Variants in TBX5 observed in about 807,000 individuals in gnomAD.
TBX5 encodes T-box transcription factor TBX5.
A neutral mutation model predicts 51.1 loss-of-function variants in TBX5; 8 were observed. The observed-to-expected ratio is 0.16, with a 90% confidence interval of 0.09 to 0.28. The LOEUF is 0.28. TBX5 is among the 10% of genes least tolerant of loss of function. TBX5 has a pLI of 1.00. For missense variants in TBX5, 589 were observed against 671.7 expected (o/e 0.88, Z 1.36); for synonymous variants, 302 against 266.4 (o/e 1.13, Z -1.30).
intron 6 of TBX5, 121 bp downstream of exon 6, chr12:114,394,620 G>A: frequency 7.4e-7 from 1 of 1,343,200 alleles, no homozygotes; most frequent in Non-Finnish European, 1.1e-6. Flanking sequence ...CAGCACCCTG[G>A]GGTCGAAGTT....
intron 6 of TBX5, 21 bp from the exon 7 acceptor site, chr12:114,385,588 G>C: frequency 1.2e-6 from 2 of 1,601,986 alleles, no homozygotes; most frequent in Middle Eastern, 1.7e-4. Context: ...GAGGAAGAGA[G>C]AACAAGCTGG....
chr12:114,358,777 T>TTTTTTTTTGTTTG (rs113855505), intron 8 of TBX5, among the ~76,000 whole-genome samples: 2 of 150,698 alleles, frequency 1.3e-5, no homozygotes, highest in East Asian at 2.0e-4. Flanking sequence ...GCGGGGTTTT[T>TTTTTTTTTGTTTG]TTTGTTTGTT....
chr12:114,404,412 C>T (rs1706934985), intron 1 of TBX5, among the ~76,000 whole-genome samples: 1 of 152,046 alleles, frequency 6.6e-6, no homozygotes, highest in African/African-American at 2.4e-5. Context: ...TTTTATTAAA[C>T]CTCACAAGAG....
intron 7 of TBX5, among the ~76,000 whole-genome samples, chr12:114,382,761 C>T (rs1870576511): frequency 6.6e-6 from 1 of 152,170 alleles, no homozygotes; most frequent in East Asian, 1.9e-4. Context: ...CGTGCCACTG[C>T]ACTCCAGCCT....
chr12:114,399,099 CCTAA>C (rs1458591588), intron 4 of TBX5, among the ~76,000 whole-genome samples: 8 of 152,194 alleles, frequency 5.3e-5, no homozygotes, highest in African/African-American at 1.9e-4. Flanking sequence ...ATGGGCCTCT[CCTAA>C]CTGTTTAACT....
chr12:114,390,597 A>G (rs1871098926), intron 6 of TBX5, among the ~76,000 whole-genome samples: 2 of 152,248 alleles, frequency 1.3e-5, no homozygotes, highest in Non-Finnish European at 2.9e-5. Context: ...ATGTCTCTCT[A>G]TTAAGGGTTC....
Position 114,403,966 on chromosome 12 carries a change from G to A in TBX5, c.-38-30C>T, listed in dbSNP as rs941948190. On this transcript the variant is annotated intron_variant, in intron 1 of 8. Transcript: ENST00000405440. The stretch of plus-strand genomic sequence containing the variant: ...GGACAAGAAGCAGGGGGAGATGGGG[G>A]TGGGGAGGACAGAGAGAGAACGAGA... 5 of 1,582,708 alleles carry A rather than the reference G, an allele frequency of 3.2e-6. No individual in the cohort carries two copies. The African/African-American group carries it at 6.7e-5, about 21-fold the overall frequency.
intron 5 of TBX5, among the ~76,000 whole-genome samples, chr12:114,398,095 G>A (rs960743696): frequency 5.9e-5 from 9 of 152,198 alleles, no homozygotes; most frequent in Non-Finnish European, 5.9e-5. Flanking sequence ...CCTGGAATGA[G>A]CAGCTTCAAT....
chr12:114,357,064 G>C (rs148538364), intron 8 of TBX5, among the ~76,000 whole-genome samples: 1 of 152,006 alleles, frequency 6.6e-6, no homozygotes, highest in Non-Finnish European at 1.5e-5. Flanking sequence ...GAGTGGGAGG[G>C]AGCTTGAATG....
At chr12:114,406,185 C>G, upstream of TBX5, 1 of 220,890 alleles carries the variant, frequency 4.5e-6, no homozygotes, top group Non-Finnish European at 7.6e-6. Context: ...ACTCTGTCGC[C>G]CTCCCCCTTC....
At chr12:114,400,720 C>A (rs957576790) in intron 3 of TBX5, among the ~76,000 whole-genome samples, 1 of 152,346 alleles carries the variant, frequency 6.6e-6, no homozygotes, top group East Asian at 1.9e-4. Flanking sequence ...GGGACTCGGA[C>A]GTGTCTTTCC....
At chr12:114,369,682 T>C (rs1050140574) in intron 7 of TBX5, among the ~76,000 whole-genome samples, 2 of 152,134 alleles carry the variant, frequency 1.3e-5, no homozygotes, top group East Asian at 1.9e-4. Flanking sequence ...GATGAGAAGA[T>C]AAAACTATTT....
chr12:114,388,018 T>G (rs1211135958), intron 6 of TBX5, among the ~76,000 whole-genome samples: 2 of 152,108 alleles, frequency 1.3e-5, no homozygotes, highest in African/African-American at 2.4e-5. Flanking sequence ...TTTATTTTTA[T>G]TTTTAGTTTC....
At chr12:114,367,278 T>C (rs5015007) in intron 7 of TBX5, among the ~76,000 whole-genome samples, 6 of 151,556 alleles carry the variant, frequency 4.0e-5, no homozygotes, top group African/African-American at 1.5e-4. Context: ...AAAGAAAAAA[T>C]CAGCATGGGA....
intron 7 of TBX5, among the ~76,000 whole-genome samples, chr12:114,372,981 T>TACACACAC (rs56137685): frequency 3.5e-5 from 5 of 142,950 alleles, no homozygotes; most frequent in African/African-American, 1.0e-4. Flanking sequence ...TATATATACA[T>TACACACAC]ACACACACAC....
At chr12:114,365,478 G>GA (rs1314409667) in intron 8 of TBX5, among the ~76,000 whole-genome samples, 4 of 151,454 alleles carry the variant, frequency 2.6e-5, no homozygotes, top group East Asian at 3.9e-4. Context: ...AAGTTTAAAA[G>GA]AAAAAAAACA....
At position 114,355,859 on chromosome 12, in the gene TBX5, G is replaced by A. The variant is rs1463067493; in HGVS notation, c.1230C>T (p.Cys410=). Reference sequence around the variant, plus strand: ...CCATGGGCTGCACGGTGGTGACGGTGCAGCTGCTGTAGGAAGGCATGCTTG... The same window carrying A: ...CCATGGGCTGCACGGTGGTGACGGTACAGCTGCTGTAGGAAGGCATGCTTG... ...TWPSMPSYSS[C]TVTTVQPMDR... The change falls in exon 9 of 9, where the codon TGC becomes TGT. Residue 410 remains cysteine, a synonymous_variant. Transcript: ENST00000405440. The A allele has an allele frequency of 4.3e-6, 7 of 1,613,786 alleles. No individual in the cohort carries two copies. The highest frequency in any genetic ancestry group is 1.1e-5 in the South Asian group (1 of 91,088).
At position 114,394,840 on chromosome 12, in the gene TBX5, C is replaced by A. The variant is rs745378130; in HGVS notation, c.564G>T (p.Ala188=). The change falls in exon 6 of 9, where the codon GCG becomes GCT. Residue 188 remains alanine (A), a synonymous_variant. Coordinates refer to ENST00000405440, the MANE Select transcript of TBX5 (RefSeq NM_181486.4). ...TTGAGCCAAATCCATTATTTTCATC[C>A]GCTTTCACGATGTGTAATCTAGGCT... ...KYQPRLHIVK[A]DENNGFGSKN... is the part of the protein sequence containing the mutation. The A allele has an allele frequency of 2.2e-5, 36 of 1,613,936 alleles. No individual in the cohort carries two copies. The highest frequency in any genetic ancestry group is 3.1e-5 in the Non-Finnish European group (36 of 1,179,992).
intron 6 of TBX5, 94 bp from the exon 7 acceptor site, chr12:114,385,661 G>A: frequency 9.6e-7 from 1 of 1,045,852 alleles, no homozygotes; most frequent in Non-Finnish European, 1.5e-6. Flanking sequence ...TCATGGAAAT[G>A]CAGCCTCTGG....
Sources: gnomAD v4.1 joint callset for allele counts (sites outside exome capture counted in the v4.1 genomes callset) on GRCh38, gnomAD v4.1.1 for gene constraint, MANE v1.5 for transcripts, NCBI Gene and HGNC (gene_info 2026-07-23, HGNC 2026-07-21) for gene names.